Variants in LRRC43 observed in about 807,000 individuals in gnomAD.
LRRC43 encodes the protein leucine rich repeat containing 43.
LRRC43 carries 62 observed loss-of-function variants against 64.3 expected under a neutral mutation model. The ratio of observed to expected loss-of-function variants is 0.96; its 90% confidence interval spans 0.79 to 1.19. The LOEUF (loss-of-function observed/expected upper bound fraction) is 1.19. LRRC43 is among the 50% of genes most tolerant of loss of function. The pLI is 0.00. For missense variants in LRRC43, 868 were observed against 845.0 expected, an observed-to-expected ratio of 1.03 and a Z score of -0.34; for synonymous variants, 422 against 382.3, an observed-to-expected ratio of 1.10 and a Z score of -1.21.
intron 4 of LRRC43, among the ~76,000 whole-genome samples, chr12:122,188,654 T>C (rs1054787089): frequency 2.6e-5 from 4 of 151,834 alleles, no homozygotes; most frequent in African/African-American, 9.7e-5. Context: ...TTGGCCAGGA[T>C]GGTCTCGAAC....
At chr12:122,192,285 C>T (rs1391559020) in intron 6 of LRRC43, among the ~76,000 whole-genome samples, 12 of 152,132 alleles carry the variant, frequency 7.9e-5, no homozygotes, top group African/African-American at 2.2e-4. Context: ...TACAGGCTCG[C>T]GCCACCATAC....
rs759207419 is a variant in LRRC43, at chr12:122,200,986, G to A, written c.1809+52G>A. The A allele has an allele frequency of 1.3e-6, 2 of 1,534,354 alleles. No homozygotes were observed. Among genetic ancestry groups the A allele is most frequent in the Admixed American group, 2.1e-5 (1 of 47,992 alleles). The stretch of plus-strand genomic sequence containing the variant: ...CCACCTCTGCCTTCGCCCTCCCCAT[G>A]GGAACCCCGCGGGCAAGCAAGGGCT... On this transcript the variant is annotated intron_variant, in intron 10 of 11. Transcript: ENST00000339777. The surrounding 1 kb of genome is among the most constrained non-coding windows in gnomAD (Gnocchi z 4.6).
chr12:122,190,118 C>T lies in LRRC43; in HGVS notation c.663-12C>T. ...GCTTCTTGACCCCCAGACGGTCCTG[C>T]TCACCTTCCAGGCCCAACCTCGTCT... is the stretch of plus-strand genomic sequence containing the variant. On this transcript the variant is annotated splice_polypyrimidine_tract_variant and intron_variant, in intron 4 of 11. Coordinates refer to ENST00000339777, the MANE Select transcript of LRRC43 (RefSeq NM_001098519.2). 1 of 1,610,314 alleles carries T rather than the reference C, an allele frequency of 6.2e-7. No individual in the cohort carries two copies.
chr12:122,169,076 G>T (rs1338139245), intron 1 of LRRC43, among the ~76,000 whole-genome samples: 1 of 152,152 alleles, frequency 6.6e-6, no homozygotes, highest in Non-Finnish European at 1.5e-5. Flanking sequence ...GGGCTCACTG[G>T]CCAGAGGTGG....
chr12:122,186,750 C>T (rs1490535822), intron 3 of LRRC43, among the ~76,000 whole-genome samples: 1 of 152,190 alleles, frequency 6.6e-6, no homozygotes. Context: ...GAAACCCCAT[C>T]TCTACTAAAA....
At chr12:122,175,327 G>A (rs1479085342) in intron 1 of LRRC43, among the ~76,000 whole-genome samples, 4 of 151,464 alleles carry the variant, frequency 2.6e-5, no homozygotes, top group Non-Finnish European at 2.9e-5. Flanking sequence ...CCACCACCAC[G>A]CACAGCTAAT....
intron 5 of LRRC43, 81 bp from the exon 6 acceptor site, chr12:122,191,299 C>A: frequency 1.6e-6 from 2 of 1,223,704 alleles, no homozygotes; most frequent in African/African-American, 1.5e-5. Context: ...TCTAGGGACC[C>A]GTGCCTTCCC....
chr12:122,169,086 G>T (rs1953463211), intron 1 of LRRC43, among the ~76,000 whole-genome samples: 1 of 152,142 alleles, frequency 6.6e-6, no homozygotes, highest in Non-Finnish European at 1.5e-5. Flanking sequence ...GCCAGAGGTG[G>T]TGTCTGAGAT....
At chr12:122,174,217 A>G in intron 1 of LRRC43, 3 of 1,613,348 alleles carry the variant, frequency 1.9e-6, no homozygotes, top group Non-Finnish European at 2.5e-6. Flanking sequence ...TTCTGGAGCC[A>G]GATGTGTTCG....
chr12:122,172,394 C>G (rs367875779), intron 1 of LRRC43: 1 of 1,580,948 alleles, frequency 6.3e-7, no homozygotes, highest in Non-Finnish European at 8.6e-7. Flanking sequence ...CCTGCCAATC[C>G]GAAAGGAAGA....
intron 11 of LRRC43, among the ~76,000 whole-genome samples, chr12:122,203,058 T>G (rs1388041602): frequency 6.6e-6 from 1 of 152,180 alleles, no homozygotes; most frequent in East Asian, 1.9e-4. Flanking sequence ...GCCACCGCAC[T>G]CCAGCCTGGG....
chr12:122,183,692 C>G (rs985088858), intron 1 of LRRC43, among the ~76,000 whole-genome samples: 1 of 152,202 alleles, frequency 6.6e-6, no homozygotes, highest in Non-Finnish European at 1.5e-5. Flanking sequence ...AGCCTGCGAC[C>G]TTGAGTCCAG....
rs375815677 is a variant in LRRC43, at chr12:122,200,490, G to T, written c.1492-42G>T. On this transcript the variant is annotated intron_variant, in intron 8 of 11. Transcript: ENST00000339777. The surrounding 1 kb of genome is among the most constrained non-coding windows in gnomAD (Gnocchi z 4.6). The stretch of plus-strand genomic sequence containing the variant: ...AGGGAGAGGTGACCCCAGGCAGCCC[G>T]CCTGGGCCTCTGCTCACTCGAGGAT... The T allele has an allele frequency of 3.7e-6, 6 of 1,613,712 alleles. No individual in the cohort carries two copies. The Middle Eastern group carries it at 5.0e-4, about 133-fold the overall frequency.
chr12:122,203,380 G>A lies in LRRC43; in HGVS notation c.1909G>A (p.Val637Met), dbSNP rs370989548. 6.2e-7 allele frequency: 1 copy of A among 1,613,430 alleles called. No homozygotes were observed. Among genetic ancestry groups the A allele is most frequent in the South Asian group, 1.1e-5 (1 of 90,984 alleles). Residue 637 changes from valine to methionine, a missense_variant, in exon 12 of 12, where the codon GTG becomes ATG. By Grantham distance (21) the Val-to-Met change is conservative. Coordinates refer to ENST00000339777, the MANE Select transcript of LRRC43 (RefSeq NM_001098519.2). The part of the protein sequence containing the change: ...DYHPEPLTVE[V>M]QIQLNQCRSA... ...CCACCCTGAGCCCCTGACCGTAGAG[G>A]TGCAGATCCAGCTGAACCAGTGCCG...
intron 3 of LRRC43, among the ~76,000 whole-genome samples, chr12:122,186,680 A>G (rs1953648471): frequency 6.6e-6 from 1 of 152,250 alleles, no homozygotes; most frequent in East Asian, 1.9e-4. Context: ...GCACTTTGGG[A>G]GGCCGAGGCA....
At chr12:122,194,440 C>T (rs57190783) in intron 7 of LRRC43, among the ~76,000 whole-genome samples, 2,331 of 151,642 alleles carry the variant, frequency 0.015, 49 homozygotes, top group African/African-American at 0.052. Flanking sequence ...GTGACTAATC[C>T]CAGCTGTAAT....
intron 7 of LRRC43, among the ~76,000 whole-genome samples, chr12:122,194,462 A>C (rs1953754704): frequency 6.6e-6 from 1 of 151,538 alleles, no homozygotes; most frequent in South Asian, 2.1e-4. Context: ...CCAGCTACTT[A>C]GGCTGGGGCA....
At chr12:122,188,747 C>T (rs1593147653) in intron 4 of LRRC43, among the ~76,000 whole-genome samples, 1 of 152,270 alleles carries the variant, frequency 6.6e-6, no homozygotes, top group Admixed American at 6.5e-5. Context: ...GGCCTGGTGC[C>T]GTATTTTAGA....
rs550333230 is a variant in LRRC43 at position 122,200,375 on chromosome 12, CTGTCCT to C, written c.1491+49_1491+54del. 938 of 1,608,604 alleles carry C rather than the reference CTGTCCT, an allele frequency of 5.8e-4. 7 individuals carry two copies. In the African/African-American group the frequency reaches 0.011, roughly 19 times the overall value. Reference sequence around the variant, plus strand: ...GCCCGGCCATCCACAGGCTGCACTTCTGTCCTTGTTCCTGTTCCCATCGGGCTGTCC... The same window carrying C: ...GCCCGGCCATCCACAGGCTGCACTTCTGTTCCTGTTCCCATCGGGCTGTCC... On this transcript the variant is annotated intron_variant, in intron 8 of 11. Transcript: ENST00000339777. The surrounding 1 kb of genome is among the most constrained non-coding windows in gnomAD (Gnocchi z 4.6).
Sources: allele counts gnomAD v4.1 joint callset (sites outside exome capture counted in the v4.1 genomes callset), GRCh38; gene constraint gnomAD v4.1.1; non-coding constraint Gnocchi (gnomAD v3.1); transcripts MANE v1.5; gene names NCBI Gene and HGNC (gene_info 2026-07-23, HGNC 2026-07-21).